NOL4L: variants seen among roughly 807,000 people sequenced by gnomAD.
NOL4L encodes the protein nucleolar protein 4-like.
A neutral mutation model predicts 64.5 loss-of-function variants in NOL4L; 7 were observed. The ratio of observed to expected loss-of-function variants is 0.11; its 90% CI spans 0.06 to 0.20. The LOEUF is 0.20. NOL4L is among the 10% of genes least tolerant of loss of function. The probability of loss-of-function intolerance (pLI) is 1.00; values close to 1 mark genes in which losing one functional copy is unlikely to be tolerated. For missense variants in NOL4L, 680 were observed against 967.1 expected (o/e 0.70, Z 3.94); for synonymous variants, 413 against 401.0 (o/e 1.03, Z -0.36).
At chr20:32,521,777 C>G (rs1384878744) in intron 2 of NOL4L, among the ~76,000 whole-genome samples, 1 of 152,240 alleles carries the variant, frequency 6.6e-6, no homozygotes, top group Non-Finnish European at 1.5e-5. Context: ...ATTTAGCTGT[C>G]TGGTGGGGCC....
At chr20:32,456,864 G>A (rs2013590189) in intron 5 of NOL4L, among the ~76,000 whole-genome samples, 1 of 152,204 alleles carries the variant, frequency 6.6e-6, no homozygotes, top group Non-Finnish European at 1.5e-5. Context: ...CCTGCCCACG[G>A]TGGGCCCTCA....
chr20:32,494,870 A>G (rs969032151), intron 4 of NOL4L, among the ~76,000 whole-genome samples: 4 of 152,224 alleles, frequency 2.6e-5, no homozygotes, highest in African/African-American at 9.7e-5. Context: ...TTTTAGGAGT[A>G]AAATAACTTC....
intron 4 of NOL4L, among the ~76,000 whole-genome samples, chr20:32,505,707 C>T (rs117456522): frequency 6.6e-6 from 1 of 152,128 alleles, no homozygotes; most frequent in Admixed American, 6.6e-5. Context: ...CAGAGTGAGA[C>T]CCTGTCTCAA....
chr20:32,570,205 A>G (rs538414777), intron 1 of NOL4L, among the ~76,000 whole-genome samples: 1 of 152,248 alleles, frequency 6.6e-6, no homozygotes, highest in African/African-American at 2.4e-5. Flanking sequence ...CTTCTCAGCT[A>G]CATGTTAATA....
At chr20:32,566,086 C>G (rs1412019797) in intron 1 of NOL4L, among the ~76,000 whole-genome samples, 1 of 152,168 alleles carries the variant, frequency 6.6e-6, no homozygotes, top group African/African-American at 2.4e-5. Flanking sequence ...TGAGAAGCTC[C>G]TATAAGCCAG....
intron 4 of NOL4L, among the ~76,000 whole-genome samples, chr20:32,502,256 A>G (rs1402872032): frequency 6.6e-6 from 1 of 152,234 alleles, no homozygotes; most frequent in Non-Finnish European, 1.5e-5. Flanking sequence ...TGAAGTGGGG[A>G]GGCTGGGGCA....
At position 32,447,744 on chromosome 20, in the gene NOL4L, G is replaced by A. The variant is rs1308831499; in HGVS notation, c.1895C>T (p.Thr632Ile). 1 of 1,598,460 alleles carries A rather than the reference G, an allele frequency of 6.3e-7. No individual in the cohort carries two copies. The highest frequency in any genetic ancestry group is 2.2e-5 in the East Asian group (1 of 44,512). The part of the protein sequence containing the change: ...STTPTPTPSS[T>I]STSRPVPTAQ... ...GGTGGGCACGGGCCTGCTGGTGCTG[G>A]TGCTGGAGGGGGTGGGCGTGGGGGT... Residue 632 changes from threonine to isoleucine, a missense_variant, in exon 11 of 11, where the codon ACC (threonine) becomes ATC (isoleucine). Coordinates refer to ENST00000621426, the MANE Select transcript of NOL4L (RefSeq NM_001256798.2).
intron 1 of NOL4L, among the ~76,000 whole-genome samples, chr20:32,550,979 A>G (rs146965239): frequency 6.6e-6 from 1 of 151,380 alleles, no homozygotes; most frequent in Non-Finnish European, 1.5e-5. Flanking sequence ...TTACTTGAAC[A>G]CAGGATGCAG....
intron 1 of NOL4L, chr20:32,548,857 G>T (rs963594547): frequency 1.3e-5 from 6 of 446,634 alleles, no homozygotes; most frequent in Non-Finnish European, 2.7e-5. Flanking sequence ...AGTAAATTAT[G>T]GTACATCCAT....
intron 5 of NOL4L, among the ~76,000 whole-genome samples, chr20:32,469,713 A>G (rs1287155273): frequency 6.6e-6 from 1 of 152,212 alleles, no homozygotes; most frequent in African/African-American, 2.4e-5. Flanking sequence ...CTTCTGAAAT[A>G]AGGGGAGAAA....
At chr20:32,511,130 T>A in intron 4 of NOL4L, 1 of 388,078 alleles carries the variant, frequency 2.6e-6, no homozygotes. Flanking sequence ...GTTTTCTCCC[T>A]GAAGACCTGC....
intron 10 of NOL4L, chr20:32,449,890 C>G (rs6058699): frequency 0.4 from 60,937 of 152,248 alleles, 12,539 homozygotes; most frequent in East Asian, 0.72. Flanking sequence ...GCAGTGGTCC[C>G]GGTTCCTTTC....
At chr20:32,487,746 T>C (rs552614356) in intron 4 of NOL4L, among the ~76,000 whole-genome samples, 1 of 151,586 alleles carries the variant, frequency 6.6e-6, no homozygotes, top group South Asian at 2.1e-4. Context: ...GGAGATGAGA[T>C]TATAAAGGAG....
chr20:32,529,586 A>G (rs2018267429), intron 1 of NOL4L, among the ~76,000 whole-genome samples: 2 of 152,208 alleles, frequency 1.3e-5, no homozygotes, highest in African/African-American at 4.8e-5. Flanking sequence ...ATGGCCGAAC[A>G]GCAGTGTCTC....
chr20:32,582,819 G>A (rs928934134), intron 1 of NOL4L, among the ~76,000 whole-genome samples: 1 of 152,196 alleles, frequency 6.6e-6, no homozygotes, highest in African/African-American at 2.4e-5. Context: ...CCGGCGGGGG[G>A]CAGTGACCCA....
chr20:32,456,406 A>T lies in NOL4L; in HGVS notation c.842-11T>A. 6.9e-7 allele frequency: 1 copy of T among 1,456,368 alleles called. No individual in the cohort carries two copies. The highest frequency in any genetic ancestry group is 9.1e-7 in the Non-Finnish European group (1 of 1,101,332). The allele number at this position is 1,456,368 out of a possible 1,614,324, so 90.2% of individuals were successfully genotyped here. On this transcript the variant is annotated splice_polypyrimidine_tract_variant and intron_variant, in intron 5 of 10. Coordinates refer to ENST00000621426, the MANE Select transcript of NOL4L (RefSeq NM_001256798.2). ...CAGAGGAGGAGTCATCTGGAATGAGAGGCCTGGGTGTGAGGCCCCACCCAA... is the reference window on the plus strand; with the variant it reads ...CAGAGGAGGAGTCATCTGGAATGAGTGGCCTGGGTGTGAGGCCCCACCCAA...
At chr20:32,518,429 C>T (rs2017772156) in intron 3 of NOL4L, among the ~76,000 whole-genome samples, 1 of 152,232 alleles carries the variant, frequency 6.6e-6, no homozygotes, top group Admixed American at 6.5e-5. Context: ...GCGTTGCCCT[C>T]CTGGCCACAC....
intron 1 of NOL4L, chr20:32,533,291 C>T (rs538677374): frequency 6.6e-6 from 1 of 152,212 alleles, no homozygotes; most frequent in Non-Finnish European, 1.5e-5. Context: ...CAAAATATTA[C>T]AGCAATGGTC....
chr20:32,530,252 C>G (rs2018294068), intron 1 of NOL4L, among the ~76,000 whole-genome samples: 1 of 152,170 alleles, frequency 6.6e-6, no homozygotes, highest in Admixed American at 6.5e-5. Context: ...ATGAATATAG[C>G]TGGTTTTGGC....
Sources: allele counts gnomAD v4.1 joint callset (sites outside exome capture counted in the v4.1 genomes callset), GRCh38; gene constraint gnomAD v4.1.1; transcripts MANE v1.5; gene names NCBI Gene and HGNC (gene_info 2026-07-23, HGNC 2026-07-21).